Variants in WWOX observed in about 807,000 individuals in gnomAD.
The protein encoded by WWOX is WW domain-containing oxidoreductase.
WWOX carries 69 observed loss-of-function variants against 46.2 expected under a neutral mutation model. That is an observed-to-expected ratio of 1.49 (90% CI 1.23 to 1.82). The LOEUF (loss-of-function observed/expected upper bound fraction) is 1.82. WWOX is among the 40% of genes most tolerant of loss of function. WWOX has a pLI of 0.00. For synonymous variants in WWOX, 359 were observed against 202.6 expected, an observed-to-expected ratio of 1.77 and a Z score of -6.56; for missense variants, 919 against 542.6, an observed-to-expected ratio of 1.69 and a Z score of -6.89.
In WWOX at chr16:78,851,467, C is replaced by T. The variant is rs115581766; in HGVS notation, c.1057-360141C>T. On this transcript the variant is annotated intron_variant, in intron 8 of 8. Transcript: ENST00000566780. Reference sequence around the variant, plus strand: ...CAAATGATTAAAGCAAAGGTCATTGCCTATATGACTCAAATGCTTGGTTGC... The same window carrying T: ...CAAATGATTAAAGCAAAGGTCATTGTCTATATGACTCAAATGCTTGGTTGC... Among the ~76,000 whole-genome samples the T allele has an allele frequency of 8.1e-3, 1,231 of 152,286 alleles. 23 individuals carry two copies. Among genetic ancestry groups the T allele is most frequent in the African/African-American group, 0.028 (1,181 of 41,548 alleles).
intron 8 of WWOX, among the ~76,000 whole-genome samples, chr16:78,956,527 A>G (rs1306889263): frequency 6.6e-6 from 1 of 152,192 alleles, no homozygotes; most frequent in Non-Finnish European, 1.5e-5. Context: ...CATTAGGTTC[A>G]CAGTTGGTGA....
chr16:78,317,296 T>A (rs1353167792), intron 5 of WWOX, among the ~76,000 whole-genome samples: 1 of 152,194 alleles, frequency 6.6e-6, no homozygotes, highest in Admixed American at 6.5e-5. Context: ...TCTCTCTCTG[T>A]CTCTGTTTCT....
intron 5 of WWOX, among the ~76,000 whole-genome samples, chr16:78,277,210 GA>G (rs1338286863): frequency 6.6e-6 from 1 of 152,152 alleles, no homozygotes; most frequent in African/African-American, 2.4e-5. Context: ...AAAAAAGGGG[GA>G]TGGCAGAGAT....
intron 5 of WWOX, among the ~76,000 whole-genome samples, chr16:78,369,249 G>A (rs12149458): frequency 0.13 from 19,680 of 151,948 alleles, 1,736 homozygotes; most frequent in East Asian, 0.36. Flanking sequence ...GTCACAGTAA[G>A]TTCCAAAAGA....
chr16:78,374,137 A>G (rs990734368), intron 5 of WWOX, among the ~76,000 whole-genome samples: 1 of 152,192 alleles, frequency 6.6e-6, no homozygotes, highest in Non-Finnish European at 1.5e-5. Context: ...GAGTTACTCC[A>G]TACATCATTT....
chr16:78,294,009 A>AAAAAGG, intron 5 of WWOX, among the ~76,000 whole-genome samples: 1 of 150,948 alleles, frequency 6.6e-6, no homozygotes, highest in African/African-American at 2.4e-5. Context: ...AAAAAAAAAA[A>AAAAAGG]AGGCTTTCCT....
intron 8 of WWOX, among the ~76,000 whole-genome samples, chr16:78,758,497 C>T (rs947822381): frequency 2.0e-5 from 3 of 152,190 alleles, no homozygotes; most frequent in African/African-American, 7.2e-5. Context: ...CAGGCTTCCC[C>T]CAAGTGTGTT....
chr16:78,211,256 G>T (rs954078805), intron 5 of WWOX, among the ~76,000 whole-genome samples: 2 of 152,184 alleles, frequency 1.3e-5, no homozygotes, highest in Non-Finnish European at 2.9e-5. Context: ...TGGTAGAACC[G>T]CTGGAGACTT....
At chr16:78,484,226 C>CAG (rs2084571240) in intron 8 of WWOX, among the ~76,000 whole-genome samples, 1 of 152,020 alleles carries the variant, frequency 6.6e-6, no homozygotes, top group South Asian at 2.1e-4. Flanking sequence ...TGCAGTAATA[C>CAG]TTTTGTACCT....
chr16:78,151,412 C>A (rs2034402803), intron 4 of WWOX, among the ~76,000 whole-genome samples: 2 of 152,066 alleles, frequency 1.3e-5, no homozygotes, highest in Non-Finnish European at 2.9e-5. Context: ...TGGTTTTTCT[C>A]TTACATGAAA....
intron 8 of WWOX, among the ~76,000 whole-genome samples, chr16:79,121,393 A>C (rs1169750730): frequency 6.6e-6 from 1 of 152,194 alleles, no homozygotes; most frequent in African/African-American, 2.4e-5. Flanking sequence ...CAGAATATAT[A>C]ACATGGCTTA....
chr16:79,103,638 A>C (rs1226982798), intron 8 of WWOX, among the ~76,000 whole-genome samples: 1 of 152,220 alleles, frequency 6.6e-6, no homozygotes, highest in African/African-American at 2.4e-5. Context: ...GATCTTAACA[A>C]ATCCAGTAAC....
chr16:78,776,622 G>C (rs2142538837), intron 8 of WWOX, among the ~76,000 whole-genome samples: 1 of 152,194 alleles, frequency 6.6e-6, no homozygotes, highest in African/African-American at 2.4e-5. Flanking sequence ...TATTAGTCTG[G>C]TCTCACACTG....
At chr16:78,878,899 A>G (rs1017508961) in intron 8 of WWOX, among the ~76,000 whole-genome samples, 28 of 89,178 alleles carry the variant, frequency 3.1e-4, no homozygotes, top group African/African-American at 9.6e-4. Context: ...CTACAAAAAA[A>G]TGAAAAAAAA....
At chr16:79,034,432 G>T (rs2047826315) in intron 8 of WWOX, among the ~76,000 whole-genome samples, 2 of 152,182 alleles carry the variant, frequency 1.3e-5, no homozygotes, top group Non-Finnish European at 2.9e-5. Flanking sequence ...CACTGCCTGG[G>T]CCTTGTACTC....
At chr16:78,376,447 G>C (rs990445323) in intron 5 of WWOX, among the ~76,000 whole-genome samples, 1 of 152,098 alleles carries the variant, frequency 6.6e-6, no homozygotes, top group Non-Finnish European at 1.5e-5. Flanking sequence ...AGGACTTTGG[G>C]GCACGTTTTC....
chr16:78,504,996 C>G (rs2085158342), intron 8 of WWOX, among the ~76,000 whole-genome samples: 1 of 152,092 alleles, frequency 6.6e-6, no homozygotes, highest in African/African-American at 2.4e-5. Context: ...ATGTATATGC[C>G]TTTGTGCACG....
chr16:79,042,949 C>G (rs1040614982), intron 8 of WWOX, among the ~76,000 whole-genome samples: 1 of 152,000 alleles, frequency 6.6e-6, no homozygotes, highest in African/African-American at 2.4e-5. Context: ...CTATGGATGC[C>G]CTCATTTCTC....
At chr16:78,697,150 A>G (rs560758481) in intron 8 of WWOX, among the ~76,000 whole-genome samples, 5 of 152,164 alleles carry the variant, frequency 3.3e-5, no homozygotes, top group Non-Finnish European at 7.4e-5. Context: ...TCTTTCATAT[A>G]AGGACTTCTT....
Sources: allele counts gnomAD v4.1 joint callset (sites outside exome capture counted in the v4.1 genomes callset), GRCh38; gene constraint gnomAD v4.1.1; transcripts MANE v1.5; gene names NCBI Gene and HGNC (gene_info 2026-07-23, HGNC 2026-07-21).